The following CCAR1 variants were observed in gnomAD, a reference collection of about 807,000 sequenced individuals.
CCAR1 encodes the protein cell division cycle and apoptosis regulator protein 1.
A neutral mutation model predicts 163.8 loss-of-function variants in CCAR1; 78 were observed. The observed-to-expected ratio is 0.48, with a 90% CI of 0.40 to 0.57. CCAR1 has a LOEUF of 0.57. CCAR1 is among the 20% of genes least tolerant of loss of function. The probability of loss-of-function intolerance (pLI) is 0.00; values close to 1 mark genes in which losing one functional copy is unlikely to be tolerated. For missense variants in CCAR1, 1,019 were observed against 1,365.2 expected (o/e 0.75, Z 4.00); for synonymous variants, 443 against 460.7 (o/e 0.96, Z 0.49).
chr10:68,737,825 A>ATT lies in CCAR1; in HGVS notation c.247-12_247-11dup. On this transcript the variant is annotated intron_variant, in intron 3 of 24. Coordinates refer to ENST00000265872, the MANE Select transcript of CCAR1 (RefSeq NM_018237.4). ...TAGTGTCTGTATTTTTCTTTGAAAA[A>ATT]TTTTTTTTTAATCTTTCAGCAATAT... The ATT allele has an allele frequency of 6.6e-7, 1 of 1,522,134 alleles. No individual in the cohort carries two copies. The highest frequency in any genetic ancestry group is 9.0e-7 in the Non-Finnish European group (1 of 1,116,374). The allele number at this position is 1,522,134 out of a possible 1,614,324, so 94.3% of individuals were successfully genotyped here.
At chr10:68,745,525 A>G (rs1173136934) in intron 6 of CCAR1, among the ~76,000 whole-genome samples, 6 of 149,146 alleles carry the variant, frequency 4.0e-5, no homozygotes, top group African/African-American at 1.5e-4. Flanking sequence ...GTGCAATGGC[A>G]TGATCTCGGC....
chr10:68,770,005 TG>T (rs1334582673), intron 17 of CCAR1, among the ~76,000 whole-genome samples: 2 of 152,000 alleles, frequency 1.3e-5, no homozygotes, highest in Non-Finnish European at 2.9e-5. Context: ...GCCCATTATC[TG>T]TGGATGCTTG....
rs1406219210 is a variant in CCAR1 at position 68,749,349 on chromosome 10, T to C, written c.956+84T>C. ...AGTTAATGCCACTGAACTATGCTTA[T>C]AATATAAAATTTTAAAATGGTAAAT... On this transcript the variant is annotated intron_variant, in intron 9 of 24. Transcript: ENST00000265872. 4 of 1,373,014 alleles carry C rather than the reference T, an allele frequency of 2.9e-6. No homozygotes were observed. In the African/African-American group the frequency reaches 4.4e-5, roughly 15 times the overall value. The allele number at this position is 1,373,014 out of a possible 1,614,324, so 85.1% of individuals were successfully genotyped here.
chr10:68,730,685 C>G (rs1026076627), intron 2 of CCAR1, among the ~76,000 whole-genome samples: 1 of 151,930 alleles, frequency 6.6e-6, no homozygotes, highest in Non-Finnish European at 1.5e-5. Context: ...AAACTTAGCC[C>G]TTAATTTTTT....
chr10:68,758,937 G>A (rs1364083386), intron 15 of CCAR1, among the ~76,000 whole-genome samples: 1 of 152,000 alleles, frequency 6.6e-6, no homozygotes, highest in African/African-American at 2.4e-5. Context: ...CTCCCAAAGT[G>A]CTGGGATTAC....
chr10:68,768,293 T>C (rs1281344234), intron 17 of CCAR1, among the ~76,000 whole-genome samples: 4 of 151,350 alleles, frequency 2.6e-5, no homozygotes, highest in Non-Finnish European at 5.9e-5. Context: ...TCAGATGCTA[T>C]ATGATGTTAT....
chr10:68,759,909 A>G (rs1016280300), intron 15 of CCAR1, among the ~76,000 whole-genome samples: 1 of 152,174 alleles, frequency 6.6e-6, no homozygotes, highest in African/African-American at 2.4e-5. Context: ...ATGAGAGTTC[A>G]CTGTAGCTTC....
intron 9 of CCAR1, 92 bp from the exon 10 acceptor site, chr10:68,749,432 T>TTC: frequency 7.9e-7 from 1 of 1,264,054 alleles, no homozygotes; most frequent in Non-Finnish European, 1.1e-6. Flanking sequence ...ATACTGTGGA[T>TTC]TCTTGCTTAT....
chr10:68,740,940 A>C (rs2056175237), intron 5 of CCAR1, among the ~76,000 whole-genome samples: 1 of 150,328 alleles, frequency 6.7e-6, no homozygotes, highest in Non-Finnish European at 1.5e-5. Flanking sequence ...TTGAGGCAGA[A>C]TCTCCCTCTG....
chr10:68,789,296 A>T (rs1282793424), intron 23 of CCAR1, among the ~76,000 whole-genome samples: 3 of 151,902 alleles, frequency 2.0e-5, no homozygotes, highest in Non-Finnish European at 2.9e-5. Context: ...CAAGTTAAAA[A>T]TTTAAATGAA....
chr10:68,774,239 G>A (rs527710613), intron 19 of CCAR1, among the ~76,000 whole-genome samples: 3 of 152,214 alleles, frequency 2.0e-5, no homozygotes, highest in South Asian at 4.1e-4. Context: ...TGTTGCCCAG[G>A]CTGGTCTTGA....
chr10:68,786,408 A>T (rs2056795997), intron 20 of CCAR1, 138 bp from the exon 21 acceptor site: 4 of 716,488 alleles, frequency 5.6e-6, no homozygotes, highest in Admixed American at 3.2e-5. Context: ...CGTATACCAG[A>T]TAAACTCATT....
At chr10:68,779,804 T>C (rs1263937174) in intron 19 of CCAR1, among the ~76,000 whole-genome samples, 2 of 152,206 alleles carry the variant, frequency 1.3e-5, no homozygotes, top group Non-Finnish European at 2.9e-5. Flanking sequence ...TAGAGAATTA[T>C]TAAATTGTAC....
intron 16 of CCAR1, among the ~76,000 whole-genome samples, chr10:68,762,200 G>A (rs1315424755): frequency 1.3e-5 from 2 of 151,916 alleles, no homozygotes; most frequent in Admixed American, 1.3e-4. Flanking sequence ...GTGGTTGCAG[G>A]CGCCTGTAGT....
chr10:68,734,197 TTC>T (rs2056078272), intron 2 of CCAR1, among the ~76,000 whole-genome samples: 1 of 152,208 alleles, frequency 6.6e-6, no homozygotes, highest in Non-Finnish European at 1.5e-5. Context: ...AAGCTCTTTA[TTC>T]TGTTTTTATA....
intron 2 of CCAR1, among the ~76,000 whole-genome samples, chr10:68,726,894 G>A (rs1014158687): frequency 7.3e-5 from 11 of 151,564 alleles, no homozygotes; most frequent in Admixed American, 6.6e-4. Flanking sequence ...TATTCGGGAG[G>A]CTGAGGCAGG....
intron 19 of CCAR1, among the ~76,000 whole-genome samples, chr10:68,783,275 C>T (rs559167293): frequency 1.3e-5 from 2 of 152,070 alleles, no homozygotes; most frequent in South Asian, 2.1e-4. Flanking sequence ...CTGCAAGCTC[C>T]GCCTCCCAGG....
rs2056094678 is a variant in CCAR1, at chr10:68,735,353, AC to A, written c.74-1522del. On this transcript the variant is annotated intron_variant, in intron 2 of 24. Transcript: ENST00000265872. ...GACAAAGTGAGACTCTGTCTCAAAAACACAAACCGTTTTTGTGCTTTTTTTT... is the reference window on the plus strand; with the variant it reads ...GACAAAGTGAGACTCTGTCTCAAAAAACAAACCGTTTTTGTGCTTTTTTTT... Among the ~76,000 whole-genome samples, 5 of 147,800 alleles carry A rather than the reference AC, an allele frequency of 3.4e-5. No individual in the cohort carries two copies. In the South Asian group the frequency reaches 1.1e-3, roughly 31 times the overall value.
chr10:68,727,211 C>T (rs975290832), intron 2 of CCAR1, among the ~76,000 whole-genome samples: 1 of 151,252 alleles, frequency 6.6e-6, no homozygotes, highest in Non-Finnish European at 1.5e-5. Flanking sequence ...GCTGGGACTA[C>T]AGGCGCGTGC....
Sources: allele counts gnomAD v4.1 joint callset (sites outside exome capture counted in the v4.1 genomes callset), GRCh38; gene constraint gnomAD v4.1.1; transcripts MANE v1.5; gene names NCBI Gene and HGNC (gene_info 2026-07-23, HGNC 2026-07-21).